BIN3: variants seen among roughly 807,000 people sequenced by gnomAD.
BIN3 encodes the protein bridging integrator 3.
Under a neutral mutation model 38.2 loss-of-function variants are expected in BIN3, and 41 were observed. The observed-to-expected ratio is 1.07, with a 90% CI of 0.84 to 1.39. BIN3 has a LOEUF of 1.39. Ranked by LOEUF, BIN3 falls within the 40% of genes most tolerant of loss-of-function variation. The pLI, the probability that BIN3 is intolerant of heterozygous loss-of-function variation, is 0.00. For missense variants in BIN3, 361 were observed against 324.3 expected, an observed-to-expected ratio of 1.11 and a Z score of -0.87; for synonymous variants, 145 against 122.6, an observed-to-expected ratio of 1.18 and a Z score of -1.21.
intron 1 of BIN3, among the ~76,000 whole-genome samples, chr8:22,647,361 C>A (rs181691190): frequency 2.6e-3 from 394 of 152,184 alleles, no homozygotes; most frequent in Middle Eastern, 6.8e-3. Flanking sequence ...AAATTTTTTC[C>A]CCAGTTCAAC....
intron 1 of BIN3, among the ~76,000 whole-genome samples, chr8:22,665,015 G>A (rs1803368772): frequency 6.6e-6 from 1 of 152,224 alleles, no homozygotes; most frequent in Non-Finnish European, 1.5e-5. Flanking sequence ...AGATGAAGAA[G>A]CTCTATGTCG....
intron 1 of BIN3, among the ~76,000 whole-genome samples, chr8:22,646,569 A>G (rs574269181): frequency 6.6e-6 from 1 of 152,322 alleles, no homozygotes; most frequent in Admixed American, 6.5e-5. Flanking sequence ...TCTGGAGGAC[A>G]TCCTGTTTAT....
Position 22,636,916 on chromosome 8 carries a change from A to G in BIN3, c.98+6T>C. 3.1e-6 allele frequency: 5 copies of G among 1,611,962 alleles called. No individual in the cohort carries two copies. Among genetic ancestry groups the G allele is most frequent in the Non-Finnish European group, 4.2e-6 (5 of 1,178,206 alleles). ...CCCACCTCATCTTTCTGGGGTTGAC[A>G]CTCACTGCTGAAGTTTTCCATACTC... On this transcript the variant is annotated splice_donor_region_variant and intron_variant, in intron 3 of 8. Coordinates refer to ENST00000276416, the MANE Select transcript of BIN3 (RefSeq NM_018688.6).
chr8:22,649,892 A>ATT (rs531802427), intron 1 of BIN3, among the ~76,000 whole-genome samples: 106 of 151,124 alleles, frequency 7.0e-4, no homozygotes, highest in Non-Finnish European at 1.3e-3. Flanking sequence ...AATATCCTGA[A>ATT]TCACAGTGTG....
intron 5 of BIN3, 69 bp downstream of exon 5, chr8:22,630,372 GC>G (rs1802152987): frequency 6.3e-7 from 1 of 1,589,542 alleles, no homozygotes. Context: ...GGGCCTCCCC[GC>G]ACAGTCCACC....
At chr8:22,639,011 G>GA (rs1437754697) in intron 2 of BIN3, among the ~76,000 whole-genome samples, 2 of 152,232 alleles carry the variant, frequency 1.3e-5, no homozygotes, top group Non-Finnish European at 2.9e-5. Context: ...AAGTTTGCAG[G>GA]AACCAAAGTC....
At chr8:22,653,191 T>A (rs1261485797) in intron 1 of BIN3, among the ~76,000 whole-genome samples, 1 of 152,230 alleles carries the variant, frequency 6.6e-6, no homozygotes, top group Non-Finnish European at 1.5e-5. Flanking sequence ...TGAATTTTGT[T>A]ATCTTTGTTA....
chr8:22,625,028 A>T, intron 6 of BIN3: 1 of 384,170 alleles, frequency 2.6e-6, no homozygotes, highest in Admixed American at 3.8e-5. Flanking sequence ...AAGCAGCAGA[A>T]ATCCTCTGGC....
rs532183270 is a variant in BIN3 at position 22,647,517 on chromosome 8, A to G, written c.9-2714T>C. 9.8e-5 allele frequency among the ~76,000 whole-genome samples: 15 copies of G among 152,316 alleles called. No individual in the cohort carries two copies. The South Asian group carries it at 1.5e-3, about 15-fold the overall frequency. On this transcript the variant is annotated intron_variant, in intron 1 of 8. Transcript: ENST00000276416. ...TTTTCTCTCTGCTACCCACAGTTCA[A>G]TACTCTTTTCACATGAATTTGTTAT...
At chr8:22,645,564 A>C (rs1802689252) in intron 1 of BIN3, among the ~76,000 whole-genome samples, 1 of 142,860 alleles carries the variant, frequency 7.0e-6, no homozygotes, top group African/African-American at 2.6e-5. Flanking sequence ...AGGAAAGGGG[A>C]AGAGAGGAAA....
intron 4 of BIN3, among the ~76,000 whole-genome samples, chr8:22,631,900 G>T (rs1194644641): frequency 6.6e-6 from 1 of 152,164 alleles, no homozygotes; most frequent in Non-Finnish European, 1.5e-5. Context: ...ATTATTTCTA[G>T]ATTCTAGAAA....
chr8:22,624,107 T>TG, intron 7 of BIN3, 58 bp from the exon 8 acceptor site: 1 of 517,540 alleles, frequency 1.9e-6, no homozygotes, highest in Non-Finnish European at 3.8e-6. Context: ...GGATACGGGA[T>TG]GGGTGGGGTG....
chr8:22,634,941 C>CTCAA (rs1802322323), intron 4 of BIN3, among the ~76,000 whole-genome samples: 1 of 152,186 alleles, frequency 6.6e-6, no homozygotes, highest in Admixed American at 6.5e-5. Context: ...CCCTGCCAAT[C>CTCAA]TCAAGGTCAG....
At position 22,647,073 on chromosome 8, in the gene BIN3, G is replaced by A. The variant is rs143551282; in HGVS notation, c.9-2270C>T. On this transcript the variant is annotated intron_variant, in intron 1 of 8. Transcript: ENST00000276416. Reference sequence around the variant, plus strand: ...GATTTGAACAAATCTCAATCTCTCTGGAGCCCAGTTTCTTAAACTATAAAA... The same window carrying A: ...GATTTGAACAAATCTCAATCTCTCTAGAGCCCAGTTTCTTAAACTATAAAA... 2.1e-3 allele frequency among the ~76,000 whole-genome samples: 316 copies of A among 152,288 alleles called. 3 individuals are homozygous for A. Among genetic ancestry groups the A allele is most frequent in the Admixed American group, 0.015 (235 of 15,294 alleles).
At chr8:22,635,293 T>C (rs540208598) in intron 4 of BIN3, among the ~76,000 whole-genome samples, 1 of 152,312 alleles carries the variant, frequency 6.6e-6, no homozygotes, top group East Asian at 1.9e-4. Flanking sequence ...TGTGGACCTC[T>C]TGCAGGTCTT....
intron 1 of BIN3, among the ~76,000 whole-genome samples, chr8:22,665,531 C>G (rs1471765998): frequency 6.6e-6 from 1 of 152,152 alleles, no homozygotes; most frequent in Non-Finnish European, 1.5e-5. Context: ...AGGGAAGACC[C>G]TCAGAGAAGG....
At chr8:22,648,964 C>T (rs866132928) in intron 1 of BIN3, among the ~76,000 whole-genome samples, 23 of 152,074 alleles carry the variant, frequency 1.5e-4, no homozygotes, top group African/African-American at 5.3e-4. Context: ...TATTTCCTTA[C>T]TTTCCAGCTC....
chr8:22,652,512 CGCATGTGT>C (rs1441168402), intron 1 of BIN3, among the ~76,000 whole-genome samples: 11 of 152,182 alleles, frequency 7.2e-5, no homozygotes, highest in African/African-American at 2.7e-4. Context: ...TGTGCATGTG[CGCATGTGT>C]GGTGGGGAGG....
chr8:22,668,931 G>A (rs953297409), intron 1 of BIN3, 113 bp downstream of exon 1: 40 of 1,414,370 alleles, frequency 2.8e-5, no homozygotes, highest in Non-Finnish European at 3.7e-5. Flanking sequence ...GCCTTGCTCT[G>A]GGGCGGAGGG....
Sources: allele counts gnomAD v4.1 joint callset (sites outside exome capture counted in the v4.1 genomes callset), GRCh38; gene constraint gnomAD v4.1.1; transcripts MANE v1.5; gene names NCBI Gene and HGNC (gene_info 2026-07-23, HGNC 2026-07-21).